Variants in TAFA5 observed in about 807,000 individuals in gnomAD.
TAFA5 encodes chemokine-like protein TAFA-5.
TAFA5 carries 6 observed loss-of-function variants against 15.3 expected under a neutral mutation model. That is an observed-to-expected ratio of 0.39 (90% confidence interval 0.21 to 0.77). The LOEUF (loss-of-function observed/expected upper bound fraction) is 0.77, where lower values mean the gene tolerates loss of function less well. Among genes scored for constraint, TAFA5 ranks in the 30% least tolerant of loss-of-function variants. The probability of loss-of-function intolerance (pLI) is 0.41; values close to 1 mark genes in which losing one functional copy is unlikely to be tolerated. For synonymous variants in TAFA5, 103 were observed against 80.7 expected (o/e 1.28, Z -1.48); for missense variants, 161 against 193.1 (o/e 0.83, Z 0.98).
In TAFA5 at chr22:48,742,908, GC is replaced by G. The variant is rs1475132430; in HGVS notation, c.391-6926del. 6.6e-6 allele frequency among the ~76,000 whole-genome samples: 1 copy of G among 152,126 alleles called. No individual in the cohort carries two copies. Among genetic ancestry groups the G allele is most frequent in the East Asian group, 1.9e-4 (1 of 5,178 alleles). On this transcript the variant is annotated intron_variant, in intron 3 of 3. Coordinates refer to ENST00000402357, the MANE Select transcript of TAFA5 (RefSeq NM_001082967.3). The surrounding 1 kb of genome is among the most constrained non-coding windows in gnomAD (Gnocchi z 6.2). ...TGCCTCCATGCAGCCCACACGCGGG[GC>G]CCCCACAGTGCGGACATGTTGGGGC...
intron 3 of TAFA5, among the ~76,000 whole-genome samples, chr22:48,709,204 G>T (rs559832704): frequency 6.6e-6 from 1 of 152,210 alleles, no homozygotes. Flanking sequence ...GCCACCCCGA[G>T]GCATGCGGAC....
At chr22:48,616,005 T>C (rs1010866692) in intron 1 of TAFA5, among the ~76,000 whole-genome samples, 1 of 152,194 alleles carries the variant, frequency 6.6e-6, no homozygotes, top group Non-Finnish European at 1.5e-5. Flanking sequence ...GCTTCTAGAA[T>C]ACAGCCAGGC....
At position 48,677,620 on chromosome 22, in the gene TAFA5, A is replaced by C. The variant is rs552866035; in HGVS notation, c.263-30097A>C. On this transcript the variant is annotated intron_variant, in intron 2 of 3. Transcript: ENST00000402357. Reference sequence around the variant, plus strand: ...GCCCATCTGCCTGAGTTTGGAGTCCAGGCTGGGTCTTCTCCTCCCCGAGGC... The same window carrying C: ...GCCCATCTGCCTGAGTTTGGAGTCCCGGCTGGGTCTTCTCCTCCCCGAGGC... Among the ~76,000 whole-genome samples, 9 of 152,302 alleles carry C rather than the reference A, an allele frequency of 5.9e-5. No individual in the cohort carries two copies. The South Asian group carries it at 1.9e-3, about 32-fold the overall frequency.
At chr22:48,514,129 T>G (rs902661591) in intron 1 of TAFA5, among the ~76,000 whole-genome samples, 3 of 152,310 alleles carry the variant, frequency 2.0e-5, no homozygotes, top group South Asian at 4.1e-4. Context: ...GGCCCTTGGC[T>G]GCACCCCAGG....
Position 48,668,490 on chromosome 22 carries a change from A to G in TAFA5, c.262+21744A>G, listed in dbSNP as rs75927330. Among the ~76,000 whole-genome samples the G allele has an allele frequency of 4.4e-3, 42 of 9,626 alleles. 8 individuals carry two copies. The highest frequency in any genetic ancestry group is 1 in the East Asian group (2 of 2). 6.3% of individuals were successfully genotyped at this position (9,626 alleles called of 152,430 possible). ...TGGGAGTGTTAATCCCCCAGCACTC[A>G]GGGCCGCGTCTTCACTGGGAGCTGT... On this transcript the variant is annotated intron_variant, in intron 2 of 3. Transcript: ENST00000402357.
chr22:48,574,070 A>G (rs540791390), intron 1 of TAFA5, among the ~76,000 whole-genome samples: 1 of 152,130 alleles, frequency 6.6e-6, no homozygotes, highest in East Asian at 1.9e-4. Context: ...CTGCTACCTT[A>G]GATCTTTCCT....
chr22:48,582,821 CCA>C (rs767103516), intron 1 of TAFA5, among the ~76,000 whole-genome samples: 28,065 of 87,770 alleles, frequency 0.32, 3,364 homozygotes, highest in African/African-American at 0.42. Context: ...ACACCACACA[CCA>C]CACACAATAA....
chr22:48,690,180 G>C (rs1928494519), intron 2 of TAFA5, among the ~76,000 whole-genome samples: 1 of 152,136 alleles, frequency 6.6e-6, no homozygotes, highest in South Asian at 2.1e-4. Flanking sequence ...TGCCAGGCAA[G>C]GGGACGGGGC....
chr22:48,674,090 TC>T (rs1177157353), intron 2 of TAFA5, among the ~76,000 whole-genome samples: 2 of 152,014 alleles, frequency 1.3e-5, no homozygotes, highest in African/African-American at 4.8e-5. Flanking sequence ...TCTTCGCCCA[TC>T]TCACATCTAG....
intron 1 of TAFA5, among the ~76,000 whole-genome samples, chr22:48,504,938 C>T (rs78910845): frequency 0.017 from 2,534 of 152,300 alleles, 74 homozygotes; most frequent in African/African-American, 0.057. Flanking sequence ...CCTCCTCTGA[C>T]CTCTGAGGTA....
chr22:48,625,776 C>G (rs1926006790), intron 1 of TAFA5, among the ~76,000 whole-genome samples: 1 of 152,220 alleles, frequency 6.6e-6, no homozygotes, highest in African/African-American at 2.4e-5. Context: ...ATGCATGACG[C>G]TGTGTGTTCA....
rs62225010 is a variant in TAFA5, at chr22:48,698,488, G to A, written c.263-9229G>A. The stretch of plus-strand genomic sequence containing the variant: ...TAATGGTAGTGAAGGTGATGATAGG[G>A]AGAGCTGACTGAGCTGAGCTGGGAG... On this transcript the variant is annotated intron_variant, in intron 2 of 3. Coordinates refer to ENST00000402357, the MANE Select transcript of TAFA5 (RefSeq NM_001082967.3). Among the ~76,000 whole-genome samples, 753 of 151,864 alleles carry A rather than the reference G, an allele frequency of 5.0e-3. 4 individuals carry two copies. Among genetic ancestry groups the A allele is most frequent in the Non-Finnish European group, 8.3e-3 (563 of 67,940 alleles).
At chr22:48,609,970 G>T (rs1045290923) in intron 1 of TAFA5, among the ~76,000 whole-genome samples, 26 of 152,188 alleles carry the variant, frequency 1.7e-4, no homozygotes. Flanking sequence ...AATGGCCCTC[G>T]CCTAACTTGA....
At chr22:48,554,690 C>T (rs552931201) in intron 1 of TAFA5, among the ~76,000 whole-genome samples, 1 of 152,184 alleles carries the variant, frequency 6.6e-6, no homozygotes, top group South Asian at 2.1e-4. Context: ...GATTAGACCT[C>T]CAAATTATTA....
intron 1 of TAFA5, among the ~76,000 whole-genome samples, chr22:48,645,055 C>T (rs116792898): frequency 0.012 from 1,791 of 152,362 alleles, 36 homozygotes; most frequent in African/African-American, 0.041. Context: ...GGGCCCTGCA[C>T]AGAGGAGGGC....
intron 2 of TAFA5, among the ~76,000 whole-genome samples, chr22:48,665,046 C>T (rs1268631786): frequency 6.6e-6 from 1 of 152,138 alleles, no homozygotes; most frequent in Non-Finnish European, 1.5e-5. Flanking sequence ...ATCAGCAGTC[C>T]ATGAATGTTC....
intron 2 of TAFA5, among the ~76,000 whole-genome samples, chr22:48,682,862 AG>A (rs1186301184): frequency 6.6e-6 from 1 of 152,100 alleles, no homozygotes; most frequent in Non-Finnish European, 1.5e-5. Context: ...GATGATTTCA[AG>A]GTTGTGTTTC....
At position 48,576,583 on chromosome 22, in the gene TAFA5, C is replaced by T. The variant is rs780672318; in HGVS notation, c.113-70014C>T. The T allele has an allele frequency of 1.1e-5, 16 of 1,447,542 alleles. No homozygotes were observed. The South Asian group carries it at 1.3e-4, about 12-fold the overall frequency. The allele number at this position is 1,447,542 out of a possible 1,614,324, so 89.7% of individuals were successfully genotyped here. On this transcript the variant is annotated intron_variant, in intron 1 of 3. Transcript: ENST00000402357. ...GTTCCTCAAAGAAGGTAATTGTCCC[C>T]GGGCGCGCGGACCGGTCCTCCGCGC...
Position 48,655,830 on chromosome 22 carries a change from C to CTTTTTTTTGTTT in TAFA5, c.262+9092_262+9093insGTTTTTTTTTTT. On this transcript the variant is annotated intron_variant, in intron 2 of 3. Coordinates refer to ENST00000402357, the MANE Select transcript of TAFA5 (RefSeq NM_001082967.3). Reference sequence around the variant, plus strand: ...GGCTTCCTGAAGCCAAACACTGATTCTTTTTTTTTTTTTTTTTTTTTTTTT... The same window carrying CTTTTTTTTGTTT: ...GGCTTCCTGAAGCCAAACACTGATTCTTTTTTTTGTTTTTTTTTTTTTTTTTTTTTTTTTTTT... 3.2e-5 allele frequency among the ~76,000 whole-genome samples: 2 copies of CTTTTTTTTGTTT among 62,410 alleles called. 1 individual carries two copies. 40.9% of individuals were successfully genotyped at this position (62,410 alleles called of 152,430 possible).
Sources: gnomAD v4.1 joint callset for allele counts (sites outside exome capture counted in the v4.1 genomes callset) on GRCh38, gnomAD v4.1.1 for gene constraint, Gnocchi (gnomAD v3.1) non-coding constraint, MANE v1.5 for transcripts, NCBI Gene and HGNC (gene_info 2026-07-23, HGNC 2026-07-21) for gene names.